The following PLXNA4 variants were observed in gnomAD, a reference collection of about 807,000 sequenced individuals.
PLXNA4 encodes the protein plexin-A4.
A neutral mutation model predicts 191.8 loss-of-function variants in PLXNA4; 44 were observed. The ratio of observed to expected loss-of-function variants is 0.23; its 90% confidence interval spans 0.18 to 0.29. The LOEUF (loss-of-function observed/expected upper bound fraction) is 0.29, where lower values mean the gene tolerates loss of function less well. Among genes scored for constraint, PLXNA4 ranks in the 10% least tolerant of loss-of-function variants. PLXNA4 has a pLI of 1.00. For missense variants in PLXNA4, 1,800 were observed against 2,488.8 expected, an observed-to-expected ratio of 0.72 and a Z score of 5.89; for synonymous variants, 1,082 against 1,009.5, an observed-to-expected ratio of 1.07 and a Z score of -1.36.
At chr7:132,132,487 G>C (rs62469697) in intron 31 of PLXNA4, among the ~76,000 whole-genome samples, 1 of 77,066 alleles carries the variant, frequency 1.3e-5, no homozygotes, top group Admixed American at 1.3e-4. Flanking sequence ...GCTCTGCTCT[G>C]CTCTATTCTT....
intron 4 of PLXNA4, among the ~76,000 whole-genome samples, chr7:132,259,867 C>T (rs971608268): frequency 6.6e-6 from 1 of 152,102 alleles, no homozygotes; most frequent in Non-Finnish European, 1.5e-5. Flanking sequence ...ATGAAAGAAG[C>T]CAATCTGAAA....
chr7:132,157,886 G>GT (rs1344873582), intron 25 of PLXNA4, among the ~76,000 whole-genome samples: 1 of 152,192 alleles, frequency 6.6e-6, no homozygotes, highest in Non-Finnish European at 1.5e-5. Flanking sequence ...CCACTGGGCC[G>GT]TAACAGTTTC....
At chr7:132,396,888 T>C (rs1376091348) in intron 3 of PLXNA4, among the ~76,000 whole-genome samples, 2 of 152,244 alleles carry the variant, frequency 1.3e-5, no homozygotes, top group Non-Finnish European at 2.9e-5. Context: ...AGCAGGATGC[T>C]CGTTTCTTTA....
chr7:132,358,258 G>A (rs965886035), intron 3 of PLXNA4, among the ~76,000 whole-genome samples: 3 of 152,238 alleles, frequency 2.0e-5, no homozygotes, highest in African/African-American at 7.2e-5. Flanking sequence ...TCTGTAGCAA[G>A]CATGTGTGAC....
At chr7:132,275,006 C>T (rs752497594) in intron 4 of PLXNA4, among the ~76,000 whole-genome samples, 1 of 152,040 alleles carries the variant, frequency 6.6e-6, no homozygotes, top group Non-Finnish European at 1.5e-5. Flanking sequence ...TAGGTTTCTA[C>T]ACTATAAAGT....
At chr7:132,536,585 G>A (rs776470177) in intron 1 of PLXNA4, among the ~76,000 whole-genome samples, 1 of 152,182 alleles carries the variant, frequency 6.6e-6, no homozygotes, top group African/African-American at 2.4e-5. Flanking sequence ...CCAGATATAG[G>A]CTGATCTACC....
rs765087543 is a variant in PLXNA4 at position 132,508,486 on chromosome 7, G to A, written c.208C>T (p.Arg70Trp). The A allele has an allele frequency of 6.8e-6, 11 of 1,614,154 alleles. No individual in the cohort carries two copies. The highest frequency in any genetic ancestry group is 1.7e-5 in the Admixed American group (1 of 60,026). Residue 70 changes from arginine to tryptophan, a missense_variant, in exon 2 of 32, where the codon CGG becomes TGG. By Grantham distance (101) the Arg-to-Trp change is moderately radical. Around this residue, in one of 6 missense-constraint regions of PLXNA4, gnomAD observed 1,397 missense variants for 1,880.4 expected, o/e 0.74. Transcript: ENST00000321063. The surrounding 1 kb of genome is among the most constrained non-coding windows in gnomAD (Gnocchi z 4.4). Reference protein sequence around the residue: ...TGHIYLGAVNRIYKLSSDLKV... With the variant: ...TGHIYLGAVNWIYKLSSDLKV... ...AGGTCGCTGGAGAGCTTGTAAATCC[G>A]ATTGACGGCCCCCAAGTAAATGTGT...
chr7:132,247,024 T>C (rs1348945807), intron 4 of PLXNA4, among the ~76,000 whole-genome samples: 1 of 152,200 alleles, frequency 6.6e-6, no homozygotes, highest in Non-Finnish European at 1.5e-5. Context: ...GGGTCCTCCA[T>C]GGCAGCTGGA....
At chr7:132,343,205 A>G (rs1182817643) in intron 3 of PLXNA4, among the ~76,000 whole-genome samples, 1 of 152,142 alleles carries the variant, frequency 6.6e-6, no homozygotes, top group African/African-American at 2.4e-5. Context: ...TCCATGGAAA[A>G]TCTTCTTTTA....
At chr7:132,371,113 GC>G (rs1313345749) in intron 3 of PLXNA4, among the ~76,000 whole-genome samples, 1 of 152,160 alleles carries the variant, frequency 6.6e-6, no homozygotes, top group Non-Finnish European at 1.5e-5. Context: ...AGACACACAT[GC>G]CCCGTGGTTG....
intron 3 of PLXNA4, among the ~76,000 whole-genome samples, chr7:132,392,335 C>G (rs1203452933): frequency 6.6e-6 from 1 of 152,172 alleles, no homozygotes; most frequent in African/African-American, 2.4e-5. Context: ...ATGGAGGGAA[C>G]AAAGCTAACT....
Position 132,508,752 on chromosome 7 carries a change from C to T in PLXNA4, c.-59G>A. On this transcript the variant is annotated 5_prime_UTR_variant, in exon 2 of 32. Transcript: ENST00000321063. This position sits in a 1 kb window ranked among gnomAD's most constrained non-coding sequence, Gnocchi z 4.4. ...CAGGCACAGTCGTCCCCTCAGAGGG[C>T]CAGGACTCAGCAATGCAGTCTCCCC... The T allele has an allele frequency of 1.4e-6, 2 of 1,449,674 alleles. No individual in the cohort carries two copies. Among genetic ancestry groups the T allele is most frequent in the South Asian group, 1.5e-5 (1 of 68,834 alleles). The allele number at this position is 1,449,674 out of a possible 1,614,324, so 89.8% of individuals were successfully genotyped here. A position where few individuals can be genotyped will look rare whatever the true frequency, so the allele number is the denominator to read the frequency against.
intron 3 of PLXNA4, among the ~76,000 whole-genome samples, chr7:132,331,020 A>C (rs1166866868): frequency 6.6e-6 from 1 of 152,156 alleles, no homozygotes; most frequent in East Asian, 1.9e-4. Flanking sequence ...CATTCGTGTC[A>C]AGACAGAGTA....
intron 1 of PLXNA4, among the ~76,000 whole-genome samples, chr7:132,573,637 C>CAACA (rs1563182660): frequency 1.0e-5 from 1 of 99,150 alleles, no homozygotes; most frequent in Non-Finnish European, 2.6e-5. Context: ...CAGCAGCAGG[C>CAACA]GACAGGAAGG....
chr7:132,241,280 A>G, intron 4 of PLXNA4, 114 bp from the exon 5 acceptor site: 1 of 732,246 alleles, frequency 1.4e-6, no homozygotes, highest in East Asian at 2.8e-5. Context: ...TTGCAGGAGC[A>G]TGAAGGTGCT....
chr7:132,157,673 C>T (rs185074217), intron 25 of PLXNA4, among the ~76,000 whole-genome samples: 44 of 152,196 alleles, frequency 2.9e-4, no homozygotes, highest in African/African-American at 1.0e-3. Context: ...GACTCTCCTC[C>T]CACCTGAATT....
intron 9 of PLXNA4, among the ~76,000 whole-genome samples, chr7:132,212,648 A>T (rs1473200144): frequency 6.6e-6 from 1 of 152,186 alleles, no homozygotes. Context: ...CAACCAGAAA[A>T]GAGGAGGGAA....
chr7:132,399,934 T>C (rs527494009), intron 3 of PLXNA4, among the ~76,000 whole-genome samples: 2 of 152,218 alleles, frequency 1.3e-5, no homozygotes, highest in East Asian at 3.9e-4. Flanking sequence ...AATCGAGATC[T>C]AGAATACTTT....
intron 30 of PLXNA4, among the ~76,000 whole-genome samples, 161 bp from the exon 31 acceptor site, chr7:132,133,360 C>T (rs1034500309): frequency 2.6e-5 from 4 of 152,160 alleles, no homozygotes; most frequent in Non-Finnish European, 5.9e-5. Context: ...GTCTCTCTCT[C>T]ATCTGGGTTG....
Sources: allele counts gnomAD v4.1 joint callset (sites outside exome capture counted in the v4.1 genomes callset), GRCh38; gene constraint gnomAD v4.1.1; regional missense constraint gnomAD v4.1.1; non-coding constraint Gnocchi (gnomAD v3.1); transcripts MANE v1.5; gene names NCBI Gene and HGNC (gene_info 2026-07-23, HGNC 2026-07-21).